Variants in LIMA1 observed in about 807,000 individuals in gnomAD.
LIMA1 encodes the protein LIM domain and actin-binding protein 1.
In LIMA1, 52 loss-of-function variants were observed where a neutral mutation model predicts 62.6. The ratio of observed to expected loss-of-function variants is 0.83; its 90% CI spans 0.67 to 1.05. The LOEUF (loss-of-function observed/expected upper bound fraction) is 1.05, where lower values mean the gene tolerates loss of function less well. Ranked by LOEUF, LIMA1 falls within the 50% of genes least tolerant of loss-of-function variation. The probability of loss-of-function intolerance (pLI) is 0.00; values close to 1 mark genes in which losing one functional copy is unlikely to be tolerated. For synonymous variants in LIMA1, 302 were observed against 317.8 expected (o/e 0.95, Z 0.53); for missense variants, 780 against 902.2 (o/e 0.86, Z 1.74).
At chr12:50,228,748 T>C (rs1020322646) in intron 3 of LIMA1, among the ~76,000 whole-genome samples, 1 of 152,238 alleles carries the variant, frequency 6.6e-6, no homozygotes, top group Non-Finnish European at 1.5e-5. Context: ...TAATAAAACA[T>C]GTTACAGTTT....
intron 1 of LIMA1, among the ~76,000 whole-genome samples, chr12:50,263,836 A>G (rs74770728): frequency 0.31 from 35,806 of 115,514 alleles, 4,938 homozygotes; most frequent in South Asian, 0.46. Flanking sequence ...TAGAGAGAGT[A>G]TATATATATA....
At position 50,195,867 on chromosome 12, in the gene LIMA1, G is replaced by T. The variant is rs1445553890; in HGVS notation, c.993C>A (p.Ser331Arg). ...CGGCAGGGGTGGAACGGACTGCCAG[G>T]CTATTCTCATTTGCAGAAATCTACA... ...EGEKISANEN[S>R]LAVRSTPAED... is the part of the protein sequence containing the mutation. The change falls in exon 8 of 11, where the codon AGC becomes AGA. Residue 331 changes from serine to arginine, a missense_variant. Coordinates refer to ENST00000341247, the MANE Select transcript of LIMA1 (RefSeq NM_016357.5). 1.3e-6 allele frequency: 2 copies of T among 1,572,092 alleles called. No homozygotes were observed. The highest frequency in any genetic ancestry group is 8.6e-7 in the Non-Finnish European group (1 of 1,165,630).
chr12:50,185,698 C>A (rs1377013399), intron 9 of LIMA1: 2 of 339,352 alleles, frequency 5.9e-6, no homozygotes, highest in African/African-American at 4.3e-5. Flanking sequence ...AGGAGTGTCT[C>A]ATTAACAATT....
At chr12:50,226,933 TCTC>T (rs1370443184) in intron 3 of LIMA1, among the ~76,000 whole-genome samples, 1 of 150,700 alleles carries the variant, frequency 6.6e-6, no homozygotes, top group Non-Finnish European at 1.5e-5. Flanking sequence ...TTTACAGGTT[TCTC>T]CTCCTCTGTC....
intron 1 of LIMA1, among the ~76,000 whole-genome samples, chr12:50,278,263 A>T (rs964491406): frequency 1.4e-5 from 2 of 147,528 alleles, no homozygotes; most frequent in Non-Finnish European, 3.0e-5. Context: ...TACTAAAAAT[A>T]AAAAAAAAAA....
intron 4 of LIMA1, among the ~76,000 whole-genome samples, chr12:50,212,598 T>C (rs1941277215): frequency 6.6e-6 from 1 of 151,454 alleles, no homozygotes; most frequent in African/African-American, 2.4e-5. Context: ...GTCTTACAAT[T>C]AGGAAAAGAA....
intron 6 of LIMA1, chr12:50,201,485 G>C: frequency 1.0e-6 from 1 of 982,514 alleles, no homozygotes; most frequent in Non-Finnish European, 1.2e-6. Context: ...TCTCAAAACA[G>C]AGCCTCAACA....
chr12:50,222,671 G>A (rs1395120395), intron 3 of LIMA1, 186 bp from the exon 4 acceptor site: 2 of 1,507,436 alleles, frequency 1.3e-6, no homozygotes, highest in South Asian at 1.2e-5. Flanking sequence ...AGAGGGAGAG[G>A]GGAAGAGAGA....
intron 2 of LIMA1, among the ~76,000 whole-genome samples, chr12:50,237,962 G>A (rs977754729): frequency 6.6e-6 from 1 of 152,230 alleles, no homozygotes; most frequent in Non-Finnish European, 1.5e-5. Context: ...TATAAGAGCT[G>A]AAACTATAAA....
At chr12:50,241,483 T>G (rs886613846) in intron 2 of LIMA1, among the ~76,000 whole-genome samples, 1 of 151,522 alleles carries the variant, frequency 6.6e-6, no homozygotes, top group Non-Finnish European at 1.5e-5. Context: ...AAACATAGAT[T>G]AAAAAAAAAT....
intron 1 of LIMA1, among the ~76,000 whole-genome samples, chr12:50,251,624 C>CAA (rs397850152): frequency 1.6e-4 from 13 of 81,522 alleles, no homozygotes; most frequent in African/African-American, 3.9e-4. Flanking sequence ...GACTCCACCT[C>CAA]AAAAAAAAAA....
At chr12:50,183,628 T>C (rs901928933) in intron 9 of LIMA1, among the ~76,000 whole-genome samples, 1 of 151,822 alleles carries the variant, frequency 6.6e-6, no homozygotes, top group East Asian at 1.9e-4. Context: ...CTGGCCAACA[T>C]AGTGAAACCC....
intron 1 of LIMA1, among the ~76,000 whole-genome samples, chr12:50,280,690 C>A (rs145432012): frequency 6.6e-6 from 1 of 152,264 alleles, no homozygotes; most frequent in Non-Finnish European, 1.5e-5. Flanking sequence ...GAGGACTCTG[C>A]ACCCAGCTTC....
At chr12:50,266,555 G>C (rs1942140685) in intron 1 of LIMA1, among the ~76,000 whole-genome samples, 1 of 152,148 alleles carries the variant, frequency 6.6e-6, no homozygotes, top group Non-Finnish European at 1.5e-5. Context: ...GGTTGCTTTT[G>C]CTTCTTCACT....
Position 50,277,215 on chromosome 12 carries a change from CT to C in LIMA1, c.-24+6204del, listed in dbSNP as rs918079917. On this transcript the variant is annotated intron_variant, in intron 1 of 10. Coordinates refer to ENST00000341247, the MANE Select transcript of LIMA1 (RefSeq NM_016357.5). ...AAAAAAATACCAATCTTTTTGACTT[CT>C]TTTTTTTTCTTTTCTTCCCCCAACC... Among the ~76,000 whole-genome samples the C allele has an allele frequency of 2.0e-3, 297 of 151,352 alleles. 1 individual carries two copies. Among genetic ancestry groups the C allele is most frequent in the African/African-American group, 6.5e-3 (268 of 41,256 alleles).
intron 10 of LIMA1, among the ~76,000 whole-genome samples, 157 bp downstream of exon 10, chr12:50,181,747 A>G (rs1940506556): frequency 6.6e-6 from 1 of 152,234 alleles, no homozygotes; most frequent in Non-Finnish European, 1.5e-5. Context: ...ATTATTTGGT[A>G]TGAAAGACTT....
chr12:50,200,592 C>T (rs1467470640), intron 7 of LIMA1, among the ~76,000 whole-genome samples, 185 bp downstream of exon 7: 1 of 152,222 alleles, frequency 6.6e-6, no homozygotes, highest in Non-Finnish European at 1.5e-5. Flanking sequence ...ATTATTTGGT[C>T]AGCTATAAGT....
In LIMA1 at chr12:50,204,600, G is replaced by A. The variant is rs1446082600; in HGVS notation, c.816C>T (p.Ala272=). Residue 272 remains alanine, a synonymous_variant, in exon 6 of 11, where the codon GCC becomes GCT. Coordinates refer to ENST00000341247, the MANE Select transcript of LIMA1 (RefSeq NM_016357.5). ...LSETSIKDRM[A]KYQAAVSKQS... Reference sequence around the variant, plus strand: ...GTTTGGACACAGCTGCCTGGTACTTGGCCATTCGATCCTTTATAGAGGTTT... The same window carrying A: ...GTTTGGACACAGCTGCCTGGTACTTAGCCATTCGATCCTTTATAGAGGTTT... 5.0e-6 allele frequency: 8 copies of A among 1,614,024 alleles called. No individual in the cohort carries two copies. The highest frequency in any genetic ancestry group is 1.7e-5 in the Admixed American group (1 of 59,994).
intron 1 of LIMA1, among the ~76,000 whole-genome samples, chr12:50,254,344 G>C (rs1388334851): frequency 6.6e-6 from 1 of 152,170 alleles, no homozygotes. Context: ...TTCAGTTTCA[G>C]ATACAAATGG....
Sources: gnomAD v4.1 joint callset for allele counts (sites outside exome capture counted in the v4.1 genomes callset) on GRCh38, gnomAD v4.1.1 for gene constraint, MANE v1.5 for transcripts, NCBI Gene and HGNC (gene_info 2026-07-23, HGNC 2026-07-21) for gene names.